The following TXNDC8 variants were observed in gnomAD, a reference collection of about 807,000 sequenced individuals.
TXNDC8 encodes thioredoxin domain containing 8, also known as thioredoxin domain-containing protein 8.
A neutral mutation model predicts 12.9 loss-of-function variants in TXNDC8; 15 were observed. That is an observed-to-expected ratio of 1.16 (90% CI 0.78 to 1.79). TXNDC8 has a LOEUF of 1.79. Ranked by LOEUF, TXNDC8 falls within the 40% of genes most tolerant of loss-of-function variation. The pLI, the probability that TXNDC8 is intolerant of heterozygous loss-of-function variation, is 0.00. For synonymous variants in TXNDC8, 40 were observed against 35.4 expected, an observed-to-expected ratio of 1.13 and a Z score of -0.46; for missense variants, 128 against 113.2, an observed-to-expected ratio of 1.13 and a Z score of -0.59.
intron 3 of TXNDC8, among the ~76,000 whole-genome samples, chr9:110,309,228 T>C (rs1191887544): frequency 6.6e-6 from 1 of 152,204 alleles, no homozygotes; most frequent in Non-Finnish European, 1.5e-5. Flanking sequence ...TCCTTCCAGC[T>C]GAAAGTTGCC....
At chr9:110,317,662 ATGT>A (rs1446137002) in intron 3 of TXNDC8, among the ~76,000 whole-genome samples, 1 of 152,236 alleles carries the variant, frequency 6.6e-6, no homozygotes, top group East Asian at 1.9e-4. Context: ...GGTCACCCCA[ATGT>A]CTAGGCTTTA....
chr9:110,316,792 T>G (rs1213038617), intron 3 of TXNDC8, among the ~76,000 whole-genome samples: 2 of 152,216 alleles, frequency 1.3e-5, no homozygotes, highest in Non-Finnish European at 2.9e-5. Context: ...TTCTTCTGTG[T>G]AGGGGTTGAC....
chr9:110,302,519 C>T (rs1387683075), downstream of TXNDC8, among the ~76,000 whole-genome samples: 2 of 152,232 alleles, frequency 1.3e-5, no homozygotes, highest in Non-Finnish European at 2.9e-5. Flanking sequence ...GCCAGCTCCA[C>T]TCTGTCTATG....
At chr9:110,301,236 G>A (rs7853268), downstream of TXNDC8, among the ~76,000 whole-genome samples, 28 of 152,240 alleles carry the variant, frequency 1.8e-4, no homozygotes, top group East Asian at 2.7e-3. Context: ...AACCACTTCA[G>A]ACCAGGCAGT....
Position 110,326,255 on chromosome 9 carries a change from AAAT to A in TXNDC8, c.130-18_130-16del. 1 of 1,613,916 alleles carries A rather than the reference AAAT, an allele frequency of 6.2e-7. No individual in the cohort carries two copies. Among genetic ancestry groups the A allele is most frequent in the Non-Finnish European group, 8.5e-7 (1 of 1,179,844 alleles). On this transcript the variant is annotated splice_polypyrimidine_tract_variant and intron_variant, in intron 2 of 4. Coordinates refer to ENST00000423740, the MANE Select transcript of TXNDC8 (RefSeq NM_001286946.2). ...TCAGCCAGCTCCTGGGAAAGCAAAG[AAAT>A]GGCATGAAGTTACAGTATTGGTGTC...
intron 3 of TXNDC8, among the ~76,000 whole-genome samples, chr9:110,324,894 T>A (rs1250130437): frequency 6.6e-6 from 1 of 152,210 alleles, no homozygotes; most frequent in Non-Finnish European, 1.5e-5. Flanking sequence ...GATGGATCAC[T>A]TGAGGCCAGG....
intron 2 of TXNDC8, 121 bp downstream of exon 2, chr9:110,334,095 T>C: frequency 1.4e-6 from 1 of 708,354 alleles, no homozygotes; most frequent in Non-Finnish European, 2.3e-6. Flanking sequence ...ATCAGGGTGC[T>C]TCAAAAATCT....
chr9:110,305,550 CT>C (rs1169345809), intron 3 of TXNDC8, among the ~76,000 whole-genome samples: 1 of 31,980 alleles, frequency 3.1e-5, no homozygotes, highest in African/African-American at 1.3e-4. Context: ...TTTTCTTTTT[CT>C]TTCTTTCTTT....
At chr9:110,307,576 A>G (rs1399192159) in intron 3 of TXNDC8, among the ~76,000 whole-genome samples, 1 of 152,182 alleles carries the variant, frequency 6.6e-6, no homozygotes, top group African/African-American at 2.4e-5. Context: ...GAAAATAAAT[A>G]AATCTTGGGG....
chr9:110,332,859 C>G (rs954935743), intron 2 of TXNDC8, among the ~76,000 whole-genome samples: 1 of 152,132 alleles, frequency 6.6e-6, no homozygotes, highest in Non-Finnish European at 1.5e-5. Flanking sequence ...TTACAACTCA[C>G]TAGAATATTT....
intron 3 of TXNDC8, among the ~76,000 whole-genome samples, chr9:110,305,554 CTTTCTTTCTTTCTTTCTTTCTTTCTTT>C: frequency 1.4e-5 from 1 of 72,770 alleles, no homozygotes; most frequent in South Asian, 4.0e-4. Context: ...CTTTTTCTTT[CTTTCTTTCTTTCTTTCTTTCTTTCTTT>C]CTTTCTTTCT....
chr9:110,325,988 C>T (rs975195080), intron 3 of TXNDC8, among the ~76,000 whole-genome samples, 187 bp downstream of exon 4: 2 of 152,114 alleles, frequency 1.3e-5, no homozygotes, highest in African/African-American at 4.8e-5. Context: ...CATTTTTTAA[C>T]CCTTTGTAAA....
At chr9:110,316,972 G>A (rs1321584043) in intron 3 of TXNDC8, among the ~76,000 whole-genome samples, 2 of 152,222 alleles carry the variant, frequency 1.3e-5, no homozygotes, top group African/African-American at 4.8e-5. Context: ...AAAAACAAGT[G>A]GAGGGTCGGA....
At chr9:110,329,355 G>A (rs1839465771) in intron 2 of TXNDC8, 64 bp from the exon 3 acceptor site, 9 of 1,328,742 alleles carry the variant, frequency 6.8e-6, no homozygotes, top group Non-Finnish European at 8.4e-6. Flanking sequence ...CACACTGGAA[G>A]TGTCTTTTCA....
chr9:110,331,740 G>T (rs578090553), intron 2 of TXNDC8, among the ~76,000 whole-genome samples: 1 of 152,104 alleles, frequency 6.6e-6, no homozygotes, highest in Non-Finnish European at 1.5e-5. Flanking sequence ...TAGATCCCTC[G>T]CATGTGCAAT....
intron 3 of TXNDC8, 145 bp downstream of exon 4, chr9:110,326,030 A>T: frequency 1.3e-6 from 1 of 779,924 alleles, no homozygotes; most frequent in Non-Finnish European, 2.1e-6. Context: ...TGTAAAGTAC[A>T]ACATACTTGT....
intron 1 of TXNDC8, among the ~76,000 whole-genome samples, chr9:110,335,489 G>A (rs1453507447): frequency 6.6e-6 from 1 of 152,194 alleles, no homozygotes; most frequent in Non-Finnish European, 1.5e-5. Flanking sequence ...TGCAACAATT[G>A]TAGCTAATTT....
At chr9:110,330,843 C>A (rs1020014616) in intron 2 of TXNDC8, among the ~76,000 whole-genome samples, 1 of 152,160 alleles carries the variant, frequency 6.6e-6, no homozygotes, top group Non-Finnish European at 1.5e-5. Flanking sequence ...AGTTTGTTGA[C>A]CCCTGCTCTT....
At chr9:110,325,717 CA>C (rs1839288825) in intron 3 of TXNDC8, among the ~76,000 whole-genome samples, 1 of 152,094 alleles carries the variant, frequency 6.6e-6, no homozygotes, top group Non-Finnish European at 1.5e-5. Flanking sequence ...GACGGGGTTT[CA>C]CTGTGTTAGC....
Sources: allele counts gnomAD v4.1 joint callset (sites outside exome capture counted in the v4.1 genomes callset), GRCh38; gene constraint gnomAD v4.1.1; transcripts MANE v1.5; gene names NCBI Gene and HGNC (gene_info 2026-07-23, HGNC 2026-07-21).